MBD5: variants seen among roughly 807,000 people sequenced by gnomAD.
MBD5 encodes the protein methyl-CpG-binding domain protein 5.
A neutral mutation model predicts 117.3 loss-of-function variants in MBD5; 13 were observed. The observed-to-expected ratio is 0.11, with a 90% CI of 0.07 to 0.18. The LOEUF (loss-of-function observed/expected upper bound fraction) is 0.18. Ranked by LOEUF, MBD5 falls within the 10% of genes least tolerant of loss-of-function variation. The pLI is 1.00. For missense variants in MBD5, 1,879 were observed against 2,093.8 expected (o/e 0.90, Z 2.00); for synonymous variants, 727 against 766.4 (o/e 0.95, Z 0.85).
In MBD5 at chr2:148,458,609, C is replaced by G. The variant is rs1706957929; in HGVS notation, c.-150C>G. 1.4e-6 allele frequency: 1 copy of G among 692,998 alleles called. No individual in the cohort carries two copies. Among genetic ancestry groups the G allele is most frequent in the South Asian group, 1.6e-5 (1 of 63,148 alleles). The allele number at this position is 692,998 out of a possible 1,614,324, so 42.9% of individuals were successfully genotyped here. On this transcript the variant is annotated 5_prime_UTR_variant, in exon 5 of 14. Transcript: ENST00000642680. ...AATGGCATATTTCAAGGACTTGGTT[C>G]CAAACTGAGCTGAAGCTTCCCAATG...
intron 2 of MBD5, among the ~76,000 whole-genome samples, chr2:148,224,411 C>T (rs1485214195): frequency 2.6e-5 from 4 of 151,754 alleles, no homozygotes; most frequent in Non-Finnish European, 5.9e-5. Flanking sequence ...GGCACCATCT[C>T]GGCTCACTGC....
chr2:148,476,300 T>C (rs1013553726), intron 8 of MBD5, among the ~76,000 whole-genome samples: 2 of 152,216 alleles, frequency 1.3e-5, no homozygotes, highest in African/African-American at 4.8e-5. Flanking sequence ...TTTTCAGCTT[T>C]TTAAAATTCT....
intron 1 of MBD5, chr2:148,044,575 G>A (rs1694462505): frequency 6.6e-6 from 1 of 152,082 alleles, no homozygotes; most frequent in Admixed American, 6.6e-5. Context: ...TTGCTAAGAG[G>A]AAATAAATAA....
At chr2:148,080,189 C>A (rs1324116653) in intron 1 of MBD5, among the ~76,000 whole-genome samples, 4 of 152,152 alleles carry the variant, frequency 2.6e-5, no homozygotes, top group Admixed American at 2.6e-4. Flanking sequence ...CCCTCAATTA[C>A]AGCAGGCAGG....
At chr2:148,242,739 C>T (rs776200704) in intron 3 of MBD5, among the ~76,000 whole-genome samples, 4 of 152,104 alleles carry the variant, frequency 2.6e-5, no homozygotes, top group Admixed American at 6.6e-5. Flanking sequence ...TTCCTTATGA[C>T]TAAAAAGTGA....
At chr2:148,369,010 G>A (rs551139761) in intron 4 of MBD5, among the ~76,000 whole-genome samples, 1 of 152,192 alleles carries the variant, frequency 6.6e-6, no homozygotes, top group South Asian at 2.1e-4. Context: ...TTCATTTCCT[G>A]TGTCTCCTGA....
chr2:148,373,161 C>T (rs922503624), intron 4 of MBD5, among the ~76,000 whole-genome samples: 7 of 151,970 alleles, frequency 4.6e-5, no homozygotes, highest in African/African-American at 1.7e-4. Flanking sequence ...TCTCTTTTAC[C>T]ACAGGAAAGC....
chr2:148,186,467 A>T (rs1304742989), intron 2 of MBD5, among the ~76,000 whole-genome samples: 1 of 152,264 alleles, frequency 6.6e-6, no homozygotes, highest in Non-Finnish European at 1.5e-5. Flanking sequence ...TAATTTGTCA[A>T]CAAGAGGGTA....
chr2:148,400,668 C>T (rs2105083226), intron 4 of MBD5, among the ~76,000 whole-genome samples: 1 of 152,266 alleles, frequency 6.6e-6, no homozygotes, highest in Non-Finnish European at 1.5e-5. Context: ...GTAACATAAG[C>T]TCTGAATATC....
intron 1 of MBD5, among the ~76,000 whole-genome samples, chr2:148,149,629 A>G (rs1697582980): frequency 1.3e-5 from 2 of 151,998 alleles, no homozygotes; most frequent in South Asian, 2.1e-4. Flanking sequence ...AATGATCGCC[A>G]TTCTAACTGG....
intron 8 of MBD5, chr2:148,471,386 A>G (rs1023598258): frequency 6.6e-6 from 1 of 152,184 alleles, no homozygotes; most frequent in Non-Finnish European, 1.5e-5. Context: ...AACATTATTC[A>G]ACACTAATGA....
At chr2:148,455,063 G>T (rs1033907691) in intron 4 of MBD5, among the ~76,000 whole-genome samples, 1 of 152,034 alleles carries the variant, frequency 6.6e-6, no homozygotes, top group South Asian at 2.1e-4. Context: ...TGTATTTTCA[G>T]TGGTTATTAT....
Position 148,446,074 on chromosome 2 carries a change from C to T in MBD5, c.-556-12129C>T, listed in dbSNP as rs528576149. 8.6e-5 allele frequency among the ~76,000 whole-genome samples: 13 copies of T among 150,808 alleles called. 1 individual carries two copies. The South Asian group carries it at 2.1e-3, about 24-fold the overall frequency. On this transcript the variant is annotated intron_variant, in intron 4 of 13. Coordinates refer to ENST00000642680, the MANE Select transcript of MBD5 (RefSeq NM_001378120.1). Reference sequence around the variant, plus strand: ...TAGGTTGCAAAAATTTTCTCCCATTCTGTAGGTTGCCTGTTCACTCTGATG... The same window carrying T: ...TAGGTTGCAAAAATTTTCTCCCATTTTGTAGGTTGCCTGTTCACTCTGATG...
At chr2:148,167,371 A>G (rs1698150630) in intron 1 of MBD5, among the ~76,000 whole-genome samples, 1 of 152,270 alleles carries the variant, frequency 6.6e-6, no homozygotes, top group Middle Eastern at 3.4e-3. Context: ...AATGTCTTCT[A>G]AGAAGACTGT....
chr2:148,348,074 GAA>G (rs1164378914), intron 4 of MBD5, among the ~76,000 whole-genome samples: 1 of 151,950 alleles, frequency 6.6e-6, no homozygotes, highest in Non-Finnish European at 1.5e-5. Context: ...TGTGTTTAAA[GAA>G]ATCAGGAACT....
intron 1 of MBD5, among the ~76,000 whole-genome samples, chr2:148,042,785 A>G (rs909349784): frequency 5.3e-5 from 8 of 152,190 alleles, no homozygotes; most frequent in Non-Finnish European, 1.0e-4. Flanking sequence ...TGTACATCTG[A>G]AAAAGGAGAA....
At chr2:148,082,373 G>A (rs1023077047) in intron 1 of MBD5, among the ~76,000 whole-genome samples, 8 of 152,066 alleles carry the variant, frequency 5.3e-5, no homozygotes, top group African/African-American at 1.5e-4. Context: ...CCTTTTGACT[G>A]TAACAGGTTC....
chr2:148,288,399 CAA>C (rs569673565), intron 3 of MBD5, among the ~76,000 whole-genome samples: 9 of 37,770 alleles, frequency 2.4e-4, no homozygotes, highest in Admixed American at 5.7e-4. Context: ...GACTCCGTCT[CAA>C]AAAAAAAAAA....
At chr2:148,095,171 C>T (rs1696036785) in intron 1 of MBD5, among the ~76,000 whole-genome samples, 2 of 152,190 alleles carry the variant, frequency 1.3e-5, no homozygotes, top group African/African-American at 4.8e-5. Flanking sequence ...AATCCAGATT[C>T]AGCAGCCCTA....
Sources: gnomAD v4.1 joint callset for allele counts (sites outside exome capture counted in the v4.1 genomes callset) on GRCh38, gnomAD v4.1.1 for gene constraint, MANE v1.5 for transcripts, NCBI Gene and HGNC (gene_info 2026-07-23, HGNC 2026-07-21) for gene names.